KLKB1: variants seen among roughly 807,000 people sequenced by gnomAD.
The protein encoded by KLKB1 is kallikrein B1.
KLKB1 carries 58 observed loss-of-function variants against 73.6 expected under a neutral mutation model. That is an observed-to-expected ratio of 0.79 (90% CI 0.64 to 0.98). The LOEUF (loss-of-function observed/expected upper bound fraction) is 0.98. Among genes scored for constraint, KLKB1 ranks in the 50% least tolerant of loss-of-function variants. The probability of loss-of-function intolerance (pLI) is 0.00; values close to 1 mark genes in which losing one functional copy is unlikely to be tolerated. For synonymous variants in KLKB1, 280 were observed against 258.1 expected (o/e 1.08, Z -0.81); for missense variants, 737 against 763.8 (o/e 0.96, Z 0.41).
intron 6 of KLKB1, among the ~76,000 whole-genome samples, chr4:186,245,188 T>C (rs1738263085): frequency 1.3e-5 from 2 of 152,174 alleles, no homozygotes; most frequent in African/African-American, 4.8e-5. Flanking sequence ...TTTAGAAGCC[T>C]GGCGGTCAAT....
At chr4:186,214,786 A>G (rs1465404732) in intron 2 of KLKB1, among the ~76,000 whole-genome samples, 1 of 152,236 alleles carries the variant, frequency 6.6e-6, no homozygotes, top group Non-Finnish European at 1.5e-5. Flanking sequence ...GACTCGTTGC[A>G]TCCTTGCCTC....
chr4:186,229,485 A>C (rs1231408810), intron 2 of KLKB1, among the ~76,000 whole-genome samples: 1 of 152,094 alleles, frequency 6.6e-6, no homozygotes, highest in Admixed American at 6.5e-5. Flanking sequence ...GGAGCTTGCT[A>C]TTCTTCTCTT....
At position 186,232,171 on chromosome 4, in the gene KLKB1, G is replaced by GA. The variant is rs1737430551; in HGVS notation, c.104dup (p.Asp35GlufsTer36). On this transcript the variant is annotated frameshift_variant, in exon 3 of 15. Transcript: ENST00000264690. LOFTEE classifies it high-confidence loss of function. ...TGAAAACGCCTTCTTCAGAGGTGGG[G>GA]ATGTAGCTTCCATGTACACCCCAAA... is the stretch of plus-strand genomic sequence containing the variant. 3 of 1,613,854 alleles carry GA rather than the reference G, an allele frequency of 1.9e-6. No homozygotes were observed. The South Asian group carries it at 3.3e-5, about 18-fold the overall frequency.
intron 2 of KLKB1, chr4:186,212,480 A>T (rs1736756710): frequency 6.6e-6 from 1 of 152,224 alleles, no homozygotes; most frequent in Non-Finnish European, 1.5e-5. Flanking sequence ...TTAAAACTTC[A>T]TTTAATAGTT....
chr4:186,255,919 A>T, intron 12 of KLKB1, 73 bp from the exon 13 acceptor site: 1 of 959,270 alleles, frequency 1.0e-6, no homozygotes, highest in Non-Finnish European at 1.7e-6. Flanking sequence ...ACAGAAAAAG[A>T]GAAAGATGTA....
intron 2 of KLKB1, among the ~76,000 whole-genome samples, chr4:186,217,114 T>C (rs1038553945): frequency 1.3e-5 from 2 of 152,156 alleles, no homozygotes; most frequent in African/African-American, 4.8e-5. Context: ...TCTACAGAGG[T>C]TTTTTTAGTT....
chr4:186,210,896 G>C, intron 2 of KLKB1: 3 of 399,724 alleles, frequency 7.5e-6, no homozygotes, highest in Non-Finnish European at 1.4e-5. Context: ...GAGTGCAGTG[G>C]TGTGATCTCA....
chr4:186,237,280 G>T (rs954177994), intron 5 of KLKB1, among the ~76,000 whole-genome samples: 1 of 151,922 alleles, frequency 6.6e-6, no homozygotes, highest in Non-Finnish European at 1.5e-5. Flanking sequence ...TGTATTTTTA[G>T]TAGAGTCGGG....
chr4:186,228,515 G>A (rs866321861), intron 2 of KLKB1, among the ~76,000 whole-genome samples: 4 of 152,120 alleles, frequency 2.6e-5, no homozygotes, highest in South Asian at 4.1e-4. Flanking sequence ...ACTTCTGTTC[G>A]CAGATGACAC....
chr4:186,238,116 G>A, intron 5 of KLKB1, 140 bp from the exon 6 acceptor site: 1 of 696,504 alleles, frequency 1.4e-6, no homozygotes, highest in Non-Finnish European at 2.6e-6. Flanking sequence ...TGTCCATTAG[G>A]TTAATAATGC....
rs182251994 is a variant in KLKB1 at position 186,245,469 on chromosome 4, A to T, written c.599-4774A>T. ...GGAGTGGCAGCCAGGCCAGTTAGAC[A>T]GTCCGATTTCTAGTGGGGTCCCACA... is the stretch of plus-strand genomic sequence containing the variant. On this transcript the variant is annotated intron_variant, in intron 6 of 14. Coordinates refer to ENST00000264690, the MANE Select transcript of KLKB1 (RefSeq NM_000892.5). Among the ~76,000 whole-genome samples, 54 of 152,324 alleles carry T rather than the reference A, an allele frequency of 3.5e-4. 2 individuals carry two copies. The highest frequency in any genetic ancestry group is 1.3e-3 in the African/African-American group (54 of 41,584).
rs373868869 is a variant in KLKB1 at position 186,236,913 on chromosome 4, C to G, written c.461C>G (p.Thr154Arg). 4.3e-5 allele frequency: 70 copies of G among 1,613,774 alleles called. No homozygotes were observed. The highest frequency in any genetic ancestry group is 5.4e-5 in the Non-Finnish European group (64 of 1,179,964). Residue 154 changes from threonine to arginine, a missense_variant, in exon 5 of 15, where the codon ACG becomes AGG. Coordinates refer to ENST00000264690, the MANE Select transcript of KLKB1 (RefSeq NM_000892.5). The part of the protein sequence containing the change: ...NIRCQFFSYA[T>R]QTFHKAEYRN... ...CGCTGCCAGTTTTTTTCATATGCCA[C>G]GCAAACATTTCACAAGGCAGAGTAC...
At chr4:186,250,147 A>T in intron 6 of KLKB1, 96 bp from the exon 7 acceptor site, 1 of 1,136,638 alleles carries the variant, frequency 8.8e-7, no homozygotes, top group Non-Finnish European at 1.3e-6. Flanking sequence ...TATGAATAAT[A>T]AATAGTCACA....
At chr4:186,241,602 A>C (rs1262334852) in intron 6 of KLKB1, among the ~76,000 whole-genome samples, 2 of 152,242 alleles carry the variant, frequency 1.3e-5, no homozygotes, top group East Asian at 3.9e-4. Flanking sequence ...CTGACATGGA[A>C]AATTCCTACC....
intron 7 of KLKB1, 27 bp downstream of exon 7, chr4:186,250,429 C>G (rs1738607550): frequency 6.2e-7 from 1 of 1,611,348 alleles, no homozygotes. Flanking sequence ...AATCGCATCA[C>G]AAAGGCGAGT....
upstream of KLKB1, among the ~76,000 whole-genome samples, chr4:186,222,984 A>G (rs148074229): frequency 2.6e-5 from 4 of 152,284 alleles, no homozygotes; most frequent in African/African-American, 9.6e-5. Context: ...TTCCCCCATT[A>G]TGTTCTCATG....
chr4:186,217,516 T>A (rs1736933633), intron 2 of KLKB1, among the ~76,000 whole-genome samples: 1 of 152,230 alleles, frequency 6.6e-6, no homozygotes, highest in African/African-American at 2.4e-5. Flanking sequence ...AATGTAGTTC[T>A]GCATTCCAGT....
intron 4 of KLKB1, among the ~76,000 whole-genome samples, chr4:186,235,160 T>A (rs1190428262): frequency 6.6e-6 from 1 of 152,194 alleles, no homozygotes; most frequent in African/African-American, 2.4e-5. Context: ...GGAGTACATT[T>A]CCTATTTTAA....
upstream of KLKB1, among the ~76,000 whole-genome samples, chr4:186,222,814 A>G (rs774633859): frequency 3.3e-5 from 5 of 151,984 alleles, no homozygotes; most frequent in Admixed American, 6.6e-5. Flanking sequence ...TCCCTTTAGC[A>G]TTTTTTGTAA....
Sources: gnomAD v4.1 joint callset for allele counts (sites outside exome capture counted in the v4.1 genomes callset) on GRCh38, gnomAD v4.1.1 for gene constraint, MANE v1.5 for transcripts, NCBI Gene and HGNC (gene_info 2026-07-23, HGNC 2026-07-21) for gene names.